Variants in UTRN observed in about 807,000 individuals in gnomAD.
The protein encoded by UTRN is utrophin, also known as dystrophin-related protein 1.
A neutral mutation model predicts 463.9 loss-of-function variants in UTRN; 283 were observed. The observed-to-expected ratio is 0.61, with a 90% CI of 0.55 to 0.67. The LOEUF (loss-of-function observed/expected upper bound fraction) is 0.67, where lower values mean the gene tolerates loss of function less well. UTRN is among the 30% of genes least tolerant of loss of function. The pLI is 0.00. For missense variants in UTRN, 3,922 were observed against 4,084.3 expected, an observed-to-expected ratio of 0.96 and a Z score of 1.08; for synonymous variants, 1,442 against 1,431.5, an observed-to-expected ratio of 1.01 and a Z score of -0.17.
intron 1 of UTRN, among the ~76,000 whole-genome samples, chr6:144,287,651 T>A (rs1301456326): frequency 6.6e-6 from 1 of 152,218 alleles, no homozygotes; most frequent in Non-Finnish European, 1.5e-5. Context: ...AACATTAGTT[T>A]TGTCTTTAAG....
At chr6:144,567,401 TGTG>T (rs1331592252) in intron 50 of UTRN, among the ~76,000 whole-genome samples, 2 of 152,044 alleles carry the variant, frequency 1.3e-5, no homozygotes, top group African/African-American at 4.8e-5. Flanking sequence ...GGAAATAGGA[TGTG>T]GTGAGGGAAA....
chr6:144,831,620 A>T (rs142164618), intron 69 of UTRN, among the ~76,000 whole-genome samples: 6 of 152,314 alleles, frequency 3.9e-5, no homozygotes, highest in African/African-American at 1.4e-4. Flanking sequence ...TTGACTCTGG[A>T]CAATTTAAAA....
chr6:144,781,604 T>A (rs1775836143), intron 60 of UTRN, among the ~76,000 whole-genome samples: 1 of 152,054 alleles, frequency 6.6e-6, no homozygotes, highest in African/African-American at 2.4e-5. Context: ...TATGCCTTGC[T>A]ACATTTAAAA....
intron 51 of UTRN, among the ~76,000 whole-genome samples, chr6:144,641,394 AG>A (rs1319592970): frequency 1.3e-5 from 2 of 152,156 alleles, no homozygotes; most frequent in African/African-American, 2.4e-5. Context: ...TGAAGACTAA[AG>A]TTTTATCCTG....
chr6:144,769,452 C>T lies in UTRN; in HGVS notation c.8496-2455C>T, dbSNP rs566005844. ...TCACAAAGGGAGATGCCCGTTCCCT[C>T]CCTCCATCTGTTTGCCAAATGTGTG... On this transcript the variant is annotated intron_variant, in intron 58 of 74. Coordinates refer to ENST00000367545, the MANE Select transcript of UTRN (RefSeq NM_007124.3). Among the ~76,000 whole-genome samples, 11 of 152,272 alleles carry T rather than the reference C, an allele frequency of 7.2e-5. No homozygotes were observed. The South Asian group carries it at 1.7e-3, about 23-fold the overall frequency.
At chr6:144,534,658 G>T (rs1797371250) in intron 43 of UTRN, among the ~76,000 whole-genome samples, 1 of 152,106 alleles carries the variant, frequency 6.6e-6, no homozygotes, top group Non-Finnish European at 1.5e-5. Flanking sequence ...TTAATGACTT[G>T]ATCGATATTT....
chr6:144,507,706 G>C (rs1344266507), intron 34 of UTRN, among the ~76,000 whole-genome samples: 1 of 152,158 alleles, frequency 6.6e-6, no homozygotes, highest in Non-Finnish European at 1.5e-5. Flanking sequence ...GTTGACCCCT[G>C]CTGGGAGGTG....
chr6:144,436,070 A>G lies in UTRN; in HGVS notation c.991A>G (p.Thr331Ala). ...GACCTGGTTGCTTTCTGCTGAGGAC[A>G]CTTTCCAGGAGCAGGATGATATTTC... is the stretch of plus-strand genomic sequence containing the variant. ...VLTWLLSAED[T>A]FQEQDDISDD... Residue 331 changes from threonine (T) to alanine (A), a missense_variant, in exon 10 of 75, where the codon ACT becomes GCT. By Grantham distance (58) the Thr-to-Ala change is moderately conservative. This residue lies in a region of UTRN where 2,349 missense variants were observed against 2,303.8 expected (regional missense o/e 1.02). Coordinates refer to ENST00000367545, the MANE Select transcript of UTRN (RefSeq NM_007124.3). The G allele has an allele frequency of 6.2e-7, 1 of 1,614,216 alleles. No individual in the cohort carries two copies. Among genetic ancestry groups the G allele is most frequent in the Non-Finnish European group, 8.5e-7 (1 of 1,180,048 alleles).
chr6:144,721,915 C>G (rs1787220486), intron 53 of UTRN, among the ~76,000 whole-genome samples: 1 of 152,164 alleles, frequency 6.6e-6, no homozygotes, highest in South Asian at 2.1e-4. Context: ...TTTCAGCACT[C>G]AAGTTTCAGA....
chr6:144,426,494 A>G (rs759715282), intron 7 of UTRN, 35 bp downstream of exon 7: 2 of 1,577,150 alleles, frequency 1.3e-6, no homozygotes, highest in Admixed American at 3.5e-5. Context: ...TGGGCTTTAC[A>G]AATTCATGTC....
intron 58 of UTRN, among the ~76,000 whole-genome samples, chr6:144,765,593 T>C (rs1445408684): frequency 6.6e-6 from 1 of 152,066 alleles, no homozygotes; most frequent in African/African-American, 2.4e-5. Flanking sequence ...GGACTTTTTT[T>C]AGAGATGGAG....
chr6:144,543,476 A>G (rs1798153765), intron 46 of UTRN, among the ~76,000 whole-genome samples: 2 of 152,174 alleles, frequency 1.3e-5, no homozygotes, highest in Non-Finnish European at 2.9e-5. Context: ...AGTTTTCTGA[A>G]CCATCATGCC....
intron 51 of UTRN, among the ~76,000 whole-genome samples, chr6:144,642,711 A>AT (rs893413801): frequency 1.1e-4 from 16 of 152,034 alleles, no homozygotes; most frequent in African/African-American, 2.7e-4. Flanking sequence ...GAAGGAGGAG[A>AT]TTTTTTTTCC....
chr6:144,493,485 C>T (rs375877665), intron 33 of UTRN, 29 bp downstream of exon 33: 2 of 1,592,878 alleles, frequency 1.3e-6, no homozygotes, highest in Non-Finnish European at 1.7e-6. Flanking sequence ...CAGCTCATCT[C>T]TCTGTCTCTC....
rs559470118 is a variant in UTRN, at chr6:144,546,513, A to G, written c.6596-2127A>G. On this transcript the variant is annotated intron_variant, in intron 46 of 74. Transcript: ENST00000367545. ...AATAGCATGTTTTTGTAACATTAGC[A>G]TAAGATGCTGGGCACAGTGAATCAT... is the stretch of plus-strand genomic sequence containing the variant. Among the ~76,000 whole-genome samples, 3 of 152,330 alleles carry G rather than the reference A, an allele frequency of 2.0e-5. No homozygotes were observed. The East Asian group carries it at 5.8e-4, about 29-fold the overall frequency.
chr6:144,614,718 G>C (rs1805891446), intron 51 of UTRN, among the ~76,000 whole-genome samples: 1 of 152,094 alleles, frequency 6.6e-6, no homozygotes, highest in Non-Finnish European at 1.5e-5. Flanking sequence ...TAAATGAGGA[G>C]GTCAAATGTG....
chr6:144,510,838 G>T, intron 34 of UTRN, 106 bp from the exon 35 acceptor site: 1 of 957,130 alleles, frequency 1.0e-6, no homozygotes, highest in South Asian at 3.3e-5. Context: ...AGGGAGTCAT[G>T]GACTACTTTG....
In UTRN at chr6:144,448,786, A is replaced by AG. The variant is rs763001154; in HGVS notation, c.2072+17_2072+18insG. 7 of 1,610,938 alleles carry AG rather than the reference A, an allele frequency of 4.3e-6. No individual in the cohort carries two copies. The highest frequency in any genetic ancestry group is 5.9e-6 in the Non-Finnish European group (7 of 1,178,530). On this transcript the variant is annotated intron_variant, in intron 17 of 74. Transcript: ENST00000367545. ...TAAGAAAAAGTGAGAAGAGATAGAG[A>AG]AATTGTTCAAATCCAATATTGCACA...
chr6:144,663,058 C>G (rs1378336330), intron 51 of UTRN, among the ~76,000 whole-genome samples: 1 of 152,104 alleles, frequency 6.6e-6, no homozygotes, highest in Non-Finnish European at 1.5e-5. Flanking sequence ...TTCTAGTCTT[C>G]TAGAACCAGA....
Sources: allele counts gnomAD v4.1 joint callset (sites outside exome capture counted in the v4.1 genomes callset), GRCh38; gene constraint gnomAD v4.1.1; regional missense constraint gnomAD v4.1.1; transcripts MANE v1.5; gene names NCBI Gene and HGNC (gene_info 2026-07-23, HGNC 2026-07-21).